DAB1: variants seen among roughly 807,000 people sequenced by gnomAD.
DAB1 encodes disabled homolog 1.
DAB1 carries 15 observed loss-of-function variants against 64.6 expected under a neutral mutation model. That is an observed-to-expected ratio of 0.23 (90% CI 0.16 to 0.36). DAB1 has a LOEUF of 0.36. Among genes scored for constraint, DAB1 ranks in the 10% least tolerant of loss-of-function variants. The pLI is 1.00. For missense variants in DAB1, 596 were observed against 706.7 expected (o/e 0.84, Z 1.78); for synonymous variants, 235 against 251.9 (o/e 0.93, Z 0.64).
chr1:58,130,799 G>A (rs1653500942), intron 5 of DAB1, among the ~76,000 whole-genome samples: 1 of 152,116 alleles, frequency 6.6e-6, no homozygotes. Flanking sequence ...ACTCTCTTCT[G>A]GCTTATAGGG....
intron 5 of DAB1, among the ~76,000 whole-genome samples, chr1:57,931,550 G>A (rs1038364411): frequency 1.3e-5 from 2 of 152,272 alleles, no homozygotes; most frequent in Non-Finnish European, 2.9e-5. Flanking sequence ...TACTTGGATC[G>A]ATTGTGTCTT....
intron 7 of DAB1, among the ~76,000 whole-genome samples, chr1:57,489,062 AAAT>A (rs1644129262): frequency 6.6e-6 from 1 of 152,240 alleles, no homozygotes; most frequent in Non-Finnish European, 1.5e-5. Flanking sequence ...CAATCTGGGC[AAAT>A]CCTTTGACTC....
chr1:57,542,905 C>T (rs114120483), intron 7 of DAB1, among the ~76,000 whole-genome samples: 1,627 of 152,242 alleles, frequency 0.011, 22 homozygotes, highest in African/African-American at 0.037. Context: ...CTGTCTGTGT[C>T]TCTCCCACTC....
intron 2 of DAB1, among the ~76,000 whole-genome samples, chr1:57,284,248 A>G (rs887190340): frequency 2.0e-5 from 3 of 152,172 alleles, no homozygotes; most frequent in Admixed American, 6.5e-5. Flanking sequence ...ACGAGACATA[A>G]ATATCAGAAG....
intron 7 of DAB1, among the ~76,000 whole-genome samples, chr1:57,437,800 C>A (rs1035930817): frequency 2.6e-5 from 4 of 152,134 alleles, no homozygotes; most frequent in Non-Finnish European, 4.4e-5. Flanking sequence ...CATTAAATGT[C>A]TCTCTATCCA....
At chr1:58,242,948 C>A (rs968939323) in intron 4 of DAB1, among the ~76,000 whole-genome samples, 1 of 151,940 alleles carries the variant, frequency 6.6e-6, no homozygotes, top group Non-Finnish European at 1.5e-5. Flanking sequence ...TCAAACCAAG[C>A]ATATAGGAAG....
chr1:57,218,515 T>TAAAAAAAAAAAAAAAAAA (rs776398255), intron 2 of DAB1, among the ~76,000 whole-genome samples: 2 of 71,440 alleles, frequency 2.8e-5, no homozygotes, highest in African/African-American at 1.5e-4. Context: ...CCCCCATCTC[T>TAAAAAAAAAAAAAAAAAA]AAAAAAAAAA....
At chr1:57,199,544 C>G (rs528003671) in intron 2 of DAB1, among the ~76,000 whole-genome samples, 1 of 152,302 alleles carries the variant, frequency 6.6e-6, no homozygotes, top group Admixed American at 6.5e-5. Context: ...AAGAAGACCG[C>G]GGGCTATGCA....
intron 5 of DAB1, among the ~76,000 whole-genome samples, chr1:57,958,067 C>T (rs1645433506): frequency 6.6e-6 from 1 of 151,950 alleles, no homozygotes. Context: ...TCACTTCAAC[C>T]TCTGCCTCCC....
chr1:57,900,310 G>C (rs1208777561), intron 5 of DAB1, among the ~76,000 whole-genome samples: 2 of 152,170 alleles, frequency 1.3e-5, no homozygotes, highest in Non-Finnish European at 2.9e-5. Flanking sequence ...CACACACTGG[G>C]GGGTATTGGG....
At chr1:58,012,108 CTGTT>C (rs1158440689) in intron 5 of DAB1, among the ~76,000 whole-genome samples, 4 of 152,178 alleles carry the variant, frequency 2.6e-5, no homozygotes, top group African/African-American at 9.7e-5. Flanking sequence ...GAGTCACAAA[CTGTT>C]TGTGCTCTCA....
chr1:58,309,664 T>A (rs937478461), intron 4 of DAB1, among the ~76,000 whole-genome samples: 5 of 152,068 alleles, frequency 3.3e-5, no homozygotes, highest in African/African-American at 9.7e-5. Flanking sequence ...GGTCCATGAG[T>A]GAATCTTGGA....
At chr1:57,631,885 A>G (rs1180082401) in intron 7 of DAB1, among the ~76,000 whole-genome samples, 1 of 152,176 alleles carries the variant, frequency 6.6e-6, no homozygotes, top group East Asian at 1.9e-4. Context: ...TAAGGCTGGT[A>G]CCTTCCCTGC....
intron 5 of DAB1, among the ~76,000 whole-genome samples, chr1:58,001,726 G>A (rs1323769843): frequency 6.6e-6 from 1 of 152,116 alleles, no homozygotes; most frequent in Non-Finnish European, 1.5e-5. Context: ...TTCTGACTGT[G>A]GTAGGCAGAA....
At chr1:57,820,790 G>T (rs1300295338) in intron 6 of DAB1, among the ~76,000 whole-genome samples, 1 of 152,046 alleles carries the variant, frequency 6.6e-6, no homozygotes, top group Non-Finnish European at 1.5e-5. Flanking sequence ...ATTTCATCCT[G>T]GTTTAGTCCC....
chr1:57,987,036 G>A (rs1189232258), intron 5 of DAB1, among the ~76,000 whole-genome samples: 2 of 152,180 alleles, frequency 1.3e-5, no homozygotes, highest in African/African-American at 2.4e-5. Flanking sequence ...CAGGTTTTCT[G>A]ACCCCAGGGC....
chr1:57,221,166 C>T (rs940387190), intron 2 of DAB1, among the ~76,000 whole-genome samples: 3 of 151,220 alleles, frequency 2.0e-5, no homozygotes, highest in Non-Finnish European at 4.4e-5. Context: ...CAAACACCAC[C>T]TGTTCTCACT....
At chr1:57,379,399 A>G (rs931471720) in intron 1 of DAB1, among the ~76,000 whole-genome samples, 5 of 152,212 alleles carry the variant, frequency 3.3e-5, no homozygotes, top group African/African-American at 1.2e-4. Flanking sequence ...TCAGTAGACT[A>G]AAGCATGAAC....
chr1:57,111,476 A>T (rs1354656931), intron 4 of DAB1, among the ~76,000 whole-genome samples: 3 of 152,042 alleles, frequency 2.0e-5, no homozygotes, highest in African/African-American at 4.8e-5. Context: ...ATCTACACCA[A>T]TTTCTGCCTG....
Sources: gnomAD v4.1 joint callset for allele counts (sites outside exome capture counted in the v4.1 genomes callset) on GRCh38, gnomAD v4.1.1 for gene constraint, MANE v1.5 for transcripts, NCBI Gene and HGNC (gene_info 2026-07-23, HGNC 2026-07-21) for gene names.